ADGRV1: variants seen among roughly 807,000 people sequenced by gnomAD.
The protein encoded by ADGRV1 is G-protein coupled receptor 98.
Under a neutral mutation model 596.2 loss-of-function variants are expected in ADGRV1, and 359 were observed. That is an observed-to-expected ratio of 0.60 (90% CI 0.55 to 0.66). The LOEUF (loss-of-function observed/expected upper bound fraction) is 0.66. Ranked by LOEUF, ADGRV1 falls within the 30% of genes least tolerant of loss-of-function variation. ADGRV1 has a pLI of 0.00. For missense variants in ADGRV1, 7,274 were observed against 7,575.6 expected (o/e 0.96, Z 1.48); for synonymous variants, 2,681 against 2,679.2 (o/e 1.00, Z -0.02).
At chr5:90,976,320 G>GTATATATATA (rs1250040638) in intron 84 of ADGRV1, among the ~76,000 whole-genome samples, 10 of 110,408 alleles carry the variant, frequency 9.1e-5, no homozygotes, top group African/African-American at 2.2e-4. Flanking sequence ...GTGTGTGTGT[G>GTATATATATA]TGTATATATA....
At chr5:90,814,729 C>T (rs541732321) in intron 74 of ADGRV1, among the ~76,000 whole-genome samples, 21 of 152,034 alleles carry the variant, frequency 1.4e-4, no homozygotes, top group Non-Finnish European at 2.6e-4. Context: ...TCAATTAAAC[C>T]TCTTTTGTTT....
At chr5:91,037,214 A>G (rs4916841) in intron 85 of ADGRV1, among the ~76,000 whole-genome samples, 4 of 152,232 alleles carry the variant, frequency 2.6e-5, no homozygotes, top group Admixed American at 1.3e-4. Flanking sequence ...CCAATCTTTT[A>G]TAACAGGTAC....
At chr5:90,818,730 T>C (rs1434736567) in intron 75 of ADGRV1, among the ~76,000 whole-genome samples, 11 of 151,198 alleles carry the variant, frequency 7.3e-5, no homozygotes, top group African/African-American at 2.7e-4. Context: ...TTGATTTGCG[T>C]ATATTGAACC....
At chr5:90,849,242 C>A (rs1766235071) in intron 79 of ADGRV1, among the ~76,000 whole-genome samples, 1 of 152,070 alleles carries the variant, frequency 6.6e-6, no homozygotes, top group Non-Finnish European at 1.5e-5. Flanking sequence ...TGTTGTTGAA[C>A]TTCAGACTAG....
At chr5:90,668,195 G>A (rs1287452236) in intron 21 of ADGRV1, among the ~76,000 whole-genome samples, 1 of 152,048 alleles carries the variant, frequency 6.6e-6, no homozygotes. Flanking sequence ...AATGGCGGGC[G>A]CCCCTCCCCC....
chr5:90,753,016 TCC>T (rs1755436855), intron 53 of ADGRV1, among the ~76,000 whole-genome samples: 1 of 123,354 alleles, frequency 8.1e-6, no homozygotes, highest in African/African-American at 2.6e-5. Context: ...AGCAAGGTCT[TCC>T]ATGCTTTTTA....
intron 65 of ADGRV1, 151 bp from the exon 66 acceptor site, chr5:90,782,973 A>G (rs1230238382): frequency 3.1e-6 from 2 of 646,116 alleles, no homozygotes; most frequent in East Asian, 5.2e-5. Context: ...TGAGGTTTTC[A>G]CTAATCCCCC....
chr5:90,939,856 A>G (rs774987186), intron 83 of ADGRV1, among the ~76,000 whole-genome samples: 56 of 152,288 alleles, frequency 3.7e-4, no homozygotes, highest in Non-Finnish European at 6.5e-4. Flanking sequence ...CCTCATGTGG[A>G]AAATAGACAA....
At chr5:90,848,602 A>G (rs1168211460) in intron 78 of ADGRV1, 35 bp from the exon 79 acceptor site, 5 of 1,214,716 alleles carry the variant, frequency 4.1e-6, no homozygotes, top group African/African-American at 1.6e-5. Context: ...ATTTATTTTT[A>G]TAGATATATT....
intron 73 of ADGRV1, among the ~76,000 whole-genome samples, chr5:90,808,872 G>C (rs1485279351): frequency 6.6e-6 from 1 of 152,054 alleles, no homozygotes; most frequent in African/African-American, 2.4e-5. Flanking sequence ...CTCCAGCCTG[G>C]GCAACAGAGT....
intron 77 of ADGRV1, among the ~76,000 whole-genome samples, chr5:90,830,828 C>T (rs910756519): frequency 3.3e-5 from 5 of 152,170 alleles, no homozygotes; most frequent in East Asian, 1.9e-4. Context: ...ATGAGATTGG[C>T]GTGTAAATCA....
chr5:91,025,684 G>A (rs1365567386), intron 85 of ADGRV1, among the ~76,000 whole-genome samples: 1 of 152,064 alleles, frequency 6.6e-6, no homozygotes, highest in African/African-American at 2.4e-5. Flanking sequence ...GGAACCAGGG[G>A]CATCACCAAT....
intron 85 of ADGRV1, among the ~76,000 whole-genome samples, chr5:91,032,191 T>C (rs1485595647): frequency 2.6e-5 from 4 of 152,194 alleles, no homozygotes; most frequent in Non-Finnish European, 5.9e-5. Flanking sequence ...GGGAGCAAGC[T>C]GGGCATGTCT....
intron 58 of ADGRV1, among the ~76,000 whole-genome samples, chr5:90,761,442 A>G (rs1308710649): frequency 4.6e-5 from 7 of 152,246 alleles, no homozygotes; most frequent in African/African-American, 1.4e-4. Context: ...AGTTTAGATT[A>G]CAAGTTCAGC....
At chr5:91,149,984 GTTCT>G (rs1348913680) in intron 87 of ADGRV1, 42 bp from the exon 88 acceptor site, 1 of 1,449,376 alleles carries the variant, frequency 6.9e-7, no homozygotes, top group Admixed American at 2.3e-5. Context: ...ACATGCTGAT[GTTCT>G]TTTTCTTTTT....
At chr5:90,757,561 TA>T (rs1755968760) in intron 57 of ADGRV1, among the ~76,000 whole-genome samples, 1 of 152,174 alleles carries the variant, frequency 6.6e-6, no homozygotes, top group South Asian at 2.1e-4. Context: ...GAATTTGCAC[TA>T]AAAGTGTGGA....
At chr5:90,867,907 T>C (rs1285576667) in intron 83 of ADGRV1, among the ~76,000 whole-genome samples, 2 of 152,204 alleles carry the variant, frequency 1.3e-5, no homozygotes, top group African/African-American at 2.4e-5. Context: ...TAAAAAAGTA[T>C]GTAAGCGTTT....
rs1261498130 is a variant in ADGRV1, at chr5:91,059,570, T to C, written c.18153-12877T>C. ...CGTGTCTAGTTTAGGGCAGTTCAAA[T>C]TGGGACTTTTAAAATGTTGCCTCTA... On this transcript the variant is annotated intron_variant, in intron 85 of 89. Coordinates refer to ENST00000405460, the MANE Select transcript of ADGRV1 (RefSeq NM_032119.4). 5.3e-5 allele frequency among the ~76,000 whole-genome samples: 8 copies of C among 152,206 alleles called. No individual in the cohort carries two copies. The East Asian group carries it at 1.5e-3, about 29-fold the overall frequency.
At position 90,625,203 on chromosome 5, in the gene ADGRV1, G is replaced by C. The variant is rs2149369395; in HGVS notation, c.632G>C (p.Arg211Thr). 1 of 1,613,526 alleles carries C rather than the reference G, an allele frequency of 6.2e-7. No homozygotes were observed. The highest frequency in any genetic ancestry group is 1.1e-5 in the South Asian group (1 of 90,976). ...GGAAATATCACCTTTCCCCCTGGCA[G>C]AGCAACAGTAATTTATAACTTGACA... ...VKGNITFPPGRATVIYNLTVL... is the reference protein window; with the variant it reads ...VKGNITFPPGTATVIYNLTVL... Residue 211 changes from arginine (R) to threonine (T), a missense_variant, in exon 6 of 90, where the codon AGA becomes ACA. Arg to Thr is a moderately conservative substitution (Grantham distance 71). This residue lies in a region of ADGRV1 where 1,715 missense variants were observed against 1,708.8 expected (regional missense o/e 1.00). Transcript: ENST00000405460.
Sources: allele counts gnomAD v4.1 joint callset (sites outside exome capture counted in the v4.1 genomes callset), GRCh38; gene constraint gnomAD v4.1.1; regional missense constraint gnomAD v4.1.1; transcripts MANE v1.5; gene names NCBI Gene and HGNC (gene_info 2026-07-23, HGNC 2026-07-21).